MIR2052HG: variants seen among roughly 807,000 people sequenced by gnomAD.
MIR2052HG encodes MIR2052 host gene.
chr8:74,739,051 TC>T (rs1809799975), intron 4 of MIR2052HG, among the ~76,000 whole-genome samples: 1 of 152,182 alleles, frequency 6.6e-6, no homozygotes, highest in South Asian at 2.1e-4. Flanking sequence ...AGGGAGGGGA[TC>T]AATAAATTAA....
chr8:74,723,266 A>G (rs908650919), intron 4 of MIR2052HG, among the ~76,000 whole-genome samples: 10 of 152,160 alleles, frequency 6.6e-5, no homozygotes, highest in African/African-American at 2.4e-4. Context: ...TTCACTCTTA[A>G]CCATCATTCT....
intron 1 of MIR2052HG, among the ~76,000 whole-genome samples, chr8:74,608,682 G>T (rs1441467600): frequency 6.6e-6 from 1 of 151,994 alleles, no homozygotes; most frequent in African/African-American, 2.4e-5. Context: ...CCAAATATTT[G>T]AAAATTATAA....
chr8:74,630,885 T>A (rs904251310), intron 2 of MIR2052HG, among the ~76,000 whole-genome samples: 6 of 152,220 alleles, frequency 3.9e-5, no homozygotes, highest in African/African-American at 1.4e-4. Flanking sequence ...TGCTATCTTC[T>A]TTGTAAAAAT....
At chr8:74,728,025 C>T (rs538673714) in intron 4 of MIR2052HG, among the ~76,000 whole-genome samples, 2 of 152,186 alleles carry the variant, frequency 1.3e-5, no homozygotes, top group Non-Finnish European at 2.9e-5. Flanking sequence ...TACATACTCT[C>T]AATTACAGTA....
At chr8:74,718,572 G>A (rs1809543836) in intron 4 of MIR2052HG, among the ~76,000 whole-genome samples, 1 of 152,184 alleles carries the variant, frequency 6.6e-6, no homozygotes, top group Non-Finnish European at 1.5e-5. Flanking sequence ...ACAAACTGAT[G>A]TGCAGAACTT....
At chr8:74,732,215 A>G (rs1236295743) in intron 4 of MIR2052HG, among the ~76,000 whole-genome samples, 2 of 152,196 alleles carry the variant, frequency 1.3e-5, no homozygotes, top group African/African-American at 2.4e-5. Context: ...TGACATCTAC[A>G]TAGTATTATG....
At chr8:74,613,689 G>A (rs1808234553) in intron 2 of MIR2052HG, among the ~76,000 whole-genome samples, 1 of 152,172 alleles carries the variant, frequency 6.6e-6, no homozygotes, top group Non-Finnish European at 1.5e-5. Flanking sequence ...GTTTTGCCAT[G>A]TTGGCCAAGC....
At chr8:74,655,620 G>A (rs2128736503) in intron 2 of MIR2052HG, among the ~76,000 whole-genome samples, 1 of 152,320 alleles carries the variant, frequency 6.6e-6, no homozygotes, top group African/African-American at 2.4e-5. Context: ...TTCAGAAGAT[G>A]TATGGAAATG....
rs201713677 is a variant in MIR2052HG at position 74,643,692 on chromosome 8, A to AT, written n.216+30760dup. 1.5e-3 allele frequency among the ~76,000 whole-genome samples: 221 copies of AT among 152,130 alleles called. 4 individuals carry two copies. The East Asian group carries it at 0.021, about 14-fold the overall frequency. On this transcript the variant is annotated intron_variant and non_coding_transcript_variant, in intron 2 of 6. Transcript: ENST00000523442. ...AGAAAAATTAAAAAATATTAGAAGC[A>AT]TTTTTTTTAAACTTTAGAGATAAGT... is the stretch of plus-strand genomic sequence containing the variant.
chr8:74,632,341 C>T (rs1485867884), intron 2 of MIR2052HG: 2 of 152,106 alleles, frequency 1.3e-5, no homozygotes, highest in Non-Finnish European at 2.9e-5. Context: ...GATGTGTGGC[C>T]ACCAGAGCCT....
chr8:74,730,807 G>A (rs1447415393), intron 4 of MIR2052HG, among the ~76,000 whole-genome samples: 1 of 21,868 alleles, frequency 4.6e-5, no homozygotes, highest in Non-Finnish European at 7.7e-5. Flanking sequence ...AAACTAAAAA[G>A]AGGGGTCTGT....
chr8:74,689,963 A>G (rs1809222405), intron 2 of MIR2052HG, among the ~76,000 whole-genome samples: 1 of 152,196 alleles, frequency 6.6e-6, no homozygotes, highest in Non-Finnish European at 1.5e-5. Flanking sequence ...CAGACATGTA[A>G]GAACCAGAGA....
chr8:74,673,885 T>TTATA (rs1438038757), intron 2 of MIR2052HG, among the ~76,000 whole-genome samples: 1 of 65,886 alleles, frequency 1.5e-5, no homozygotes, highest in Admixed American at 1.4e-4. Context: ...CAGTATTTTT[T>TTATA]TGTATATATA....
intron 4 of MIR2052HG, among the ~76,000 whole-genome samples, chr8:74,745,237 T>C (rs1554579041): frequency 6.6e-6 from 1 of 152,150 alleles, no homozygotes; most frequent in Non-Finnish European, 1.5e-5. Context: ...CACTCCAGTC[T>C]GGGTGGCAGA....
chr8:74,701,265 T>G (rs1213227193), intron 2 of MIR2052HG, among the ~76,000 whole-genome samples: 1 of 152,176 alleles, frequency 6.6e-6, no homozygotes, highest in Non-Finnish European at 1.5e-5. Context: ...AGTGTGAAAT[T>G]ATCAAATTTT....
At chr8:74,657,033 T>C (rs997698723) in intron 2 of MIR2052HG, among the ~76,000 whole-genome samples, 1 of 152,180 alleles carries the variant, frequency 6.6e-6, no homozygotes, top group Non-Finnish European at 1.5e-5. Flanking sequence ...TTGGTGCTCA[T>C]CTATAGGGTA....
intron 4 of MIR2052HG, among the ~76,000 whole-genome samples, chr8:74,744,775 G>A (rs937047875): frequency 5.9e-5 from 9 of 152,034 alleles, no homozygotes; most frequent in Admixed American, 2.6e-4. Context: ...GAATAATGCC[G>A]CAGTAAAATC....
chr8:74,685,969 G>A (rs1809176435), intron 2 of MIR2052HG, among the ~76,000 whole-genome samples: 1 of 151,994 alleles, frequency 6.6e-6, no homozygotes, highest in African/African-American at 2.4e-5. Context: ...GGTGATGAGA[G>A]TTGATGTCAG....
chr8:74,739,876 A>C (rs73687266), intron 4 of MIR2052HG, among the ~76,000 whole-genome samples: 1,611 of 152,240 alleles, frequency 0.011, 32 homozygotes, highest in African/African-American at 0.036. Flanking sequence ...TTATCTAAAA[A>C]TGTTCAGGGA....
Sources: allele counts gnomAD v4.1 joint callset (sites outside exome capture counted in the v4.1 genomes callset), GRCh38; gene constraint gnomAD v4.1.1; transcripts MANE v1.5; gene names NCBI Gene and HGNC (gene_info 2026-07-23, HGNC 2026-07-21).